Variants in PPFIA2 observed in about 807,000 individuals in gnomAD.
PPFIA2 encodes the protein PPFI scaffold protein A2.
PPFIA2 carries 46 observed loss-of-function variants against 175.5 expected under a neutral mutation model. The ratio of observed to expected loss-of-function variants is 0.26; its 90% CI spans 0.21 to 0.34. The LOEUF (loss-of-function observed/expected upper bound fraction) is 0.34, where lower values mean the gene tolerates loss of function less well. Among genes scored for constraint, PPFIA2 ranks in the 10% least tolerant of loss-of-function variants. PPFIA2 has a pLI of 1.00. For synonymous variants in PPFIA2, 568 were observed against 511.4 expected, an observed-to-expected ratio of 1.11 and a Z score of -1.49; for missense variants, 1,179 against 1,506.1, an observed-to-expected ratio of 0.78 and a Z score of 3.60.
At chr12:81,432,072 T>G (rs2048191197) in intron 7 of PPFIA2, among the ~76,000 whole-genome samples, 1 of 151,698 alleles carries the variant, frequency 6.6e-6, no homozygotes. Flanking sequence ...CATACTGTAT[T>G]ATAATTATGT....
intron 28 of PPFIA2, among the ~76,000 whole-genome samples, chr12:81,274,219 C>T (rs575250186): frequency 6.6e-6 from 1 of 152,106 alleles, no homozygotes; most frequent in Non-Finnish European, 1.5e-5. Context: ...ATTAAACACA[C>T]CGTTTTTTAA....
At chr12:81,490,141 CA>C (rs2059273066) in intron 4 of PPFIA2, among the ~76,000 whole-genome samples, 1 of 151,882 alleles carries the variant, frequency 6.6e-6, no homozygotes, top group Non-Finnish European at 1.5e-5. Flanking sequence ...TTGTTGGAAA[CA>C]CACAATTCAA....
intron 4 of PPFIA2, among the ~76,000 whole-genome samples, chr12:81,599,101 C>A (rs970792105): frequency 6.6e-6 from 1 of 151,844 alleles, no homozygotes; most frequent in Admixed American, 6.6e-5. Flanking sequence ...TACAAAAGAT[C>A]ATATTCAGAT....
chr12:81,731,168 T>C (rs972263974), intron 3 of PPFIA2, among the ~76,000 whole-genome samples: 3 of 151,772 alleles, frequency 2.0e-5, no homozygotes, highest in South Asian at 2.1e-4. Context: ...TGCTGTTCTA[T>C]GGGTCCTACA....
chr12:81,525,108 T>C (rs1404277436), intron 4 of PPFIA2, among the ~76,000 whole-genome samples: 1 of 152,202 alleles, frequency 6.6e-6, no homozygotes, highest in African/African-American at 2.4e-5. Flanking sequence ...TATTTTGTTA[T>C]AACAACTCAA....
At chr12:81,384,907 C>T (rs1013963688) in intron 8 of PPFIA2, among the ~76,000 whole-genome samples, 37 of 152,010 alleles carry the variant, frequency 2.4e-4, no homozygotes, top group African/African-American at 7.7e-4. Flanking sequence ...TTCTTCTTTC[C>T]GAAAGGACTG....
chr12:81,704,910 C>A (rs145618935), intron 3 of PPFIA2, among the ~76,000 whole-genome samples: 4,030 of 150,248 alleles, frequency 0.027, 182 homozygotes, highest in African/African-American at 0.093. Context: ...ATGGTGAAAT[C>A]CTGTCTCTAC....
chr12:81,682,302 G>T (rs2073782890), intron 3 of PPFIA2, among the ~76,000 whole-genome samples: 1 of 152,064 alleles, frequency 6.6e-6, no homozygotes, highest in East Asian at 1.9e-4. Context: ...GCCATGGAGA[G>T]CACCCTCAGA....
At chr12:81,464,320 A>G (rs974417669) in intron 4 of PPFIA2, among the ~76,000 whole-genome samples, 26 of 152,146 alleles carry the variant, frequency 1.7e-4, no homozygotes, top group Non-Finnish European at 3.8e-4. Flanking sequence ...TAGCAGTGTT[A>G]TTATTCACAG....
chr12:81,319,792 C>T (rs2053255221), intron 22 of PPFIA2, among the ~76,000 whole-genome samples: 1 of 151,888 alleles, frequency 6.6e-6, no homozygotes, highest in Admixed American at 6.6e-5. Context: ...AATATCTTGG[C>T]TCTATTGTTT....
At chr12:81,681,323 C>T (rs1259764717) in intron 3 of PPFIA2, among the ~76,000 whole-genome samples, 1 of 151,918 alleles carries the variant, frequency 6.6e-6, no homozygotes, top group Non-Finnish European at 1.5e-5. Flanking sequence ...GGTTATTAGC[C>T]AGTCCTTAAC....
chr12:81,566,739 G>A (rs2071408191), intron 4 of PPFIA2, among the ~76,000 whole-genome samples: 1 of 152,052 alleles, frequency 6.6e-6, no homozygotes, highest in Non-Finnish European at 1.5e-5. Flanking sequence ...TAAGATTTCA[G>A]TGGTTATTTG....
chr12:81,753,547 T>C (rs1176280542), intron 3 of PPFIA2, among the ~76,000 whole-genome samples: 1 of 150,026 alleles, frequency 6.7e-6, no homozygotes, highest in Non-Finnish European at 1.5e-5. Context: ...AAACAATAGT[T>C]GGACACGAGA....
intron 4 of PPFIA2, among the ~76,000 whole-genome samples, chr12:81,489,230 A>G (rs2059167723): frequency 6.6e-6 from 1 of 151,780 alleles, no homozygotes; most frequent in Admixed American, 6.6e-5. Flanking sequence ...GTATTCTAAT[A>G]TCTATTTCTG....
At chr12:81,593,283 C>A (rs966076847) in intron 4 of PPFIA2, among the ~76,000 whole-genome samples, 1 of 152,024 alleles carries the variant, frequency 6.6e-6, no homozygotes, top group Non-Finnish European at 1.5e-5. Context: ...TATTAAAAAA[C>A]AATAAAATTA....
chr12:81,316,728 A>C (rs2052442577), intron 22 of PPFIA2, among the ~76,000 whole-genome samples: 1 of 151,650 alleles, frequency 6.6e-6, no homozygotes, highest in South Asian at 2.1e-4. Flanking sequence ...GAAACTAATT[A>C]TTCTCTAGAG....
intron 3 of PPFIA2, among the ~76,000 whole-genome samples, chr12:81,730,210 C>G (rs560271525): frequency 1.3e-5 from 2 of 151,614 alleles, no homozygotes; most frequent in Non-Finnish European, 3.0e-5. Flanking sequence ...TGAATATACC[C>G]ATTTTCCATG....
intron 18 of PPFIA2, among the ~76,000 whole-genome samples, chr12:81,345,743 T>C (rs1423928651): frequency 1.3e-5 from 2 of 152,334 alleles, no homozygotes; most frequent in East Asian, 1.9e-4. Context: ...TGCTCATTAA[T>C]ACTATGTAGC....
intron 24 of PPFIA2, among the ~76,000 whole-genome samples, chr12:81,284,570 AAG>A (rs1447106977): frequency 6.6e-6 from 1 of 152,204 alleles, no homozygotes; most frequent in African/African-American, 2.4e-5. Context: ...TAATCAGAAA[AAG>A]AGCATCATCA....
Sources: allele counts gnomAD v4.1 joint callset (sites outside exome capture counted in the v4.1 genomes callset), GRCh38; gene constraint gnomAD v4.1.1; transcripts MANE v1.5; gene names NCBI Gene and HGNC (gene_info 2026-07-23, HGNC 2026-07-21).